LPP: variants seen among roughly 807,000 people sequenced by gnomAD.
LPP encodes the protein lipoma-preferred partner.
Under a neutral mutation model 60.4 loss-of-function variants are expected in LPP, and 38 were observed. The ratio of observed to expected loss-of-function variants is 0.63; its 90% CI spans 0.49 to 0.83. LPP has a LOEUF of 0.83. LPP is among the 40% of genes least tolerant of loss of function. LPP has a pLI of 0.00. For missense variants in LPP, 902 were observed against 783.6 expected, an observed-to-expected ratio of 1.15 and a Z score of -1.80; for synonymous variants, 328 against 290.8, an observed-to-expected ratio of 1.13 and a Z score of -1.30.
intron 2 of LPP, among the ~76,000 whole-genome samples, chr3:188,318,042 A>G (rs1490090454): frequency 6.6e-6 from 1 of 152,212 alleles, no homozygotes; most frequent in African/African-American, 2.4e-5. Flanking sequence ...CAGCATTCTC[A>G]TAGAAGATCC....
intron 7 of LPP, among the ~76,000 whole-genome samples, chr3:188,699,191 CAG>C (rs1560082728): frequency 6.6e-6 from 1 of 152,198 alleles, no homozygotes; most frequent in Non-Finnish European, 1.5e-5. Context: ...TCTTAGACAT[CAG>C]GCCTAAGAGC....
At chr3:188,240,734 T>G (rs536409781) in intron 2 of LPP, among the ~76,000 whole-genome samples, 1 of 152,158 alleles carries the variant, frequency 6.6e-6, no homozygotes, top group African/African-American at 2.4e-5. Flanking sequence ...CCCTCAGACA[T>G]GGTTTTGGTG....
At chr3:188,480,901 T>G (rs1313214420) in intron 4 of LPP, among the ~76,000 whole-genome samples, 1 of 152,216 alleles carries the variant, frequency 6.6e-6, no homozygotes, top group Non-Finnish European at 1.5e-5. Flanking sequence ...AGCCGCATGC[T>G]CTTTCATTCT....
At chr3:188,231,748 G>A (rs1350888847) in intron 2 of LPP, among the ~76,000 whole-genome samples, 1 of 152,084 alleles carries the variant, frequency 6.6e-6, no homozygotes, top group African/African-American at 2.4e-5. Flanking sequence ...GCAACTTTTA[G>A]GATGTTTTCT....
intron 6 of LPP, among the ~76,000 whole-genome samples, chr3:188,544,522 A>G (rs910188755): frequency 2.7e-5 from 4 of 150,764 alleles, no homozygotes; most frequent in Admixed American, 6.6e-5. Flanking sequence ...ATCACTGGCC[A>G]TCAGAGAAAT....
Position 188,885,536 on chromosome 3 carries a change from CATT to C in LPP, c.*11058_*11060del, listed in dbSNP as rs1303423794. 1 of 176,642 alleles carries C rather than the reference CATT, an allele frequency of 5.7e-6. No homozygotes were observed. The highest frequency in any genetic ancestry group is 9.6e-5 in the East Asian group (1 of 10,378). 10.9% of individuals were successfully genotyped at this position (176,642 alleles called of 1,614,324 possible). The stretch of plus-strand genomic sequence containing the variant: ...GCCACCTTTTCTTAATCCAGTCTAT[CATT>C]GTTGGACATTTGGGTTGGTTCCAAG... On this transcript the variant is annotated 3_prime_UTR_variant, in exon 12 of 12. Transcript: ENST00000617246.
At chr3:188,457,264 C>T (rs979372689) in intron 4 of LPP, among the ~76,000 whole-genome samples, 2 of 152,098 alleles carry the variant, frequency 1.3e-5, no homozygotes, top group Non-Finnish European at 2.9e-5. Context: ...GGTGCCATGG[C>T]ATTAAGATCT....
At chr3:188,797,115 CCCTCCTCCT>C (rs4011849) in intron 9 of LPP, among the ~76,000 whole-genome samples, 5 of 149,650 alleles carry the variant, frequency 3.3e-5, no homozygotes, top group African/African-American at 4.9e-5. Flanking sequence ...AGCTCTTTTC[CCCTCCTCCT>C]CCTCCTCCTC....
intron 9 of LPP, among the ~76,000 whole-genome samples, chr3:188,761,740 G>A (rs755158913): frequency 2.6e-5 from 4 of 152,168 alleles, no homozygotes; most frequent in Non-Finnish European, 4.4e-5. Flanking sequence ...TCTGGAAGGA[G>A]CAATTATGCA....
At chr3:188,379,795 G>A (rs1230533510) in intron 3 of LPP, among the ~76,000 whole-genome samples, 1 of 152,186 alleles carries the variant, frequency 6.6e-6, no homozygotes, top group Non-Finnish European at 1.5e-5. Context: ...AAGAATAGAA[G>A]CAAGTTTACC....
chr3:188,473,057 G>A (rs1057479815), intron 4 of LPP, among the ~76,000 whole-genome samples: 9 of 151,980 alleles, frequency 5.9e-5, no homozygotes, highest in African/African-American at 2.2e-4. Flanking sequence ...GGTGGAAAAT[G>A]TATTCATCTA....
intron 9 of LPP, among the ~76,000 whole-genome samples, chr3:188,800,481 G>A (rs1456872767): frequency 9.9e-5 from 15 of 151,956 alleles, no homozygotes; most frequent in South Asian, 2.1e-4. Flanking sequence ...TCCTGACCTC[G>A]TGATCCGCCC....
At chr3:188,240,474 G>A (rs1043280011) in intron 2 of LPP, among the ~76,000 whole-genome samples, 4 of 152,024 alleles carry the variant, frequency 2.6e-5, no homozygotes, top group African/African-American at 9.7e-5. Context: ...CAGAATTTCT[G>A]AGTTGGAAGG....
intron 7 of LPP, among the ~76,000 whole-genome samples, chr3:188,613,244 ATATATC>A (rs1230255713): frequency 0.014 from 1,262 of 89,138 alleles, 19 homozygotes; most frequent in African/African-American, 0.04. Context: ...TGTGCATTTT[ATATATC>A]TATATCTATA....
chr3:188,374,679 CTAATT>C (rs984001661), intron 3 of LPP, among the ~76,000 whole-genome samples: 1 of 152,066 alleles, frequency 6.6e-6, no homozygotes, highest in Admixed American at 6.6e-5. Context: ...TCCTTTTTTC[CTAATT>C]TAATACCCTT....
intron 1 of LPP, among the ~76,000 whole-genome samples, chr3:188,216,044 C>T (rs189104305): frequency 2.6e-5 from 4 of 152,202 alleles, no homozygotes; most frequent in South Asian, 2.1e-4. Context: ...TTTTGTATCC[C>T]TTTCTCCTTT....
At position 188,484,606 on chromosome 3, in the gene LPP, C is replaced by A. The variant is rs1052234748; in HGVS notation, c.208C>A (p.Pro70Thr). ...CTTTTCTGTAGGTGATTTTCTTCCA[C>A]CCCCACCTCCACCTCTAGATGATTC... Reference protein sequence around the residue: ...QPGGEGDFLPPPPPPLDDSSA... With the variant: ...QPGGEGDFLPTPPPPLDDSSA... Residue 70 changes from proline to threonine, a missense_variant, in exon 5 of 12, where the codon CCC (proline) becomes ACC (threonine). Coordinates refer to ENST00000617246, the MANE Select transcript of LPP (RefSeq NM_001375462.1). 5.6e-6 allele frequency: 9 copies of A among 1,612,714 alleles called. No individual in the cohort carries two copies. In the African/African-American group the frequency reaches 8.0e-5, roughly 14 times the overall value.
intron 9 of LPP, among the ~76,000 whole-genome samples, chr3:188,835,398 G>A (rs887638552): frequency 6.6e-6 from 1 of 151,522 alleles, no homozygotes; most frequent in African/African-American, 2.4e-5. Context: ...AGGCTGAGGC[G>A]GGCGGATCAC....
intron 8 of LPP, among the ~76,000 whole-genome samples, chr3:188,748,112 C>T (rs1370523465): frequency 2.0e-5 from 3 of 152,104 alleles, no homozygotes; most frequent in Non-Finnish European, 4.4e-5. Context: ...ACATCTGCTC[C>T]ATCGTACTGG....
Sources: allele counts gnomAD v4.1 joint callset (sites outside exome capture counted in the v4.1 genomes callset), GRCh38; gene constraint gnomAD v4.1.1; transcripts MANE v1.5; gene names NCBI Gene and HGNC (gene_info 2026-07-23, HGNC 2026-07-21).